SRGAP2C: variants seen among roughly 807,000 people sequenced by gnomAD.
The protein encoded by SRGAP2C is SLIT-ROBO Rho GTPase-activating protein 2C.
Under a neutral mutation model 25.1 loss-of-function variants are expected in SRGAP2C, and 15 were observed. The observed-to-expected ratio is 0.60, with a 90% CI of 0.40 to 0.92. The LOEUF is 0.92. Ranked by LOEUF, SRGAP2C falls within the 40% of genes least tolerant of loss-of-function variation. The pLI, the probability that SRGAP2C is intolerant of heterozygous loss-of-function variation, is 0.00. For missense variants in SRGAP2C, 144 were observed against 264.4 expected (o/e 0.54, Z 3.16); for synonymous variants, 44 against 96.6 (o/e 0.46, Z 3.19).
In SRGAP2C at chr1:121,326,718, A is replaced by G. The variant is rs1190368675; in HGVS notation, c.423+2078A>G. 2.3e-5 allele frequency among the ~76,000 whole-genome samples: 2 copies of G among 85,600 alleles called. 1 individual carries two copies. 56.2% of individuals were successfully genotyped at this position (85,600 alleles called of 152,430 possible). A position where few individuals can be genotyped will look rare whatever the true frequency, so the allele number is the denominator to read the frequency against. ...GTAACCAGCACCCAGATCAAGAAAC[A>G]GAACATTTCTGTACCCTAGAAACCC... On this transcript the variant is annotated intron_variant, in intron 4 of 9. Transcript: ENST00000367123.
chr1:121,225,959 C>T (rs1433164566), intron 2 of SRGAP2C, among the ~76,000 whole-genome samples: 1 of 149,688 alleles, frequency 6.7e-6, no homozygotes, highest in Admixed American at 6.7e-5. Context: ...ACTGCCTCGG[C>T]CTCCCAAAGT....
chr1:121,202,326 T>A (rs1366908338), intron 2 of SRGAP2C, among the ~76,000 whole-genome samples: 1 of 152,144 alleles, frequency 6.6e-6, no homozygotes, highest in East Asian at 1.9e-4. Flanking sequence ...TCCTGTCCCC[T>A]CCCCTCCTCA....
chr1:121,306,755 A>G (rs1314756953), intron 3 of SRGAP2C, among the ~76,000 whole-genome samples: 2 of 152,014 alleles, frequency 1.3e-5, no homozygotes, highest in African/African-American at 4.8e-5. Context: ...CGATTCTCAA[A>G]GGGATCTGGA....
chr1:121,267,983 A>T (rs1167703983), intron 2 of SRGAP2C, among the ~76,000 whole-genome samples: 1 of 150,920 alleles, frequency 6.6e-6, no homozygotes, highest in Non-Finnish European at 1.5e-5. Flanking sequence ...CACCCAAAAA[A>T]CAGCTCTTGA....
In SRGAP2C at chr1:121,328,912, AC is replaced by A. The variant is rs1570786432; in HGVS notation, c.423+4273del. On this transcript the variant is annotated intron_variant, in intron 4 of 9. Transcript: ENST00000367123. ...TTTAAAAAAAAAAAAAAAACAAAAA[AC>A]AAAAAACAAAACAGAGGGCTGGGAG... Among the ~76,000 whole-genome samples the A allele has an allele frequency of 1.5e-3, 214 of 142,210 alleles. 2 individuals carry two copies. Among genetic ancestry groups the A allele is most frequent in the East Asian group, 6.3e-3 (30 of 4,786 alleles). The allele number at this position is 142,210 out of a possible 152,430, so 93.3% of individuals were successfully genotyped here.
chr1:121,200,291 ATGT>A (rs1196585256), intron 2 of SRGAP2C, among the ~76,000 whole-genome samples: 58 of 103,346 alleles, frequency 5.6e-4, no homozygotes, highest in African/African-American at 2.1e-3. Flanking sequence ...ACAGATATTT[ATGT>A]TGTTGTGTGC....
intron 2 of SRGAP2C, among the ~76,000 whole-genome samples, chr1:121,212,316 G>T (rs1279072172): frequency 6.6e-6 from 1 of 150,404 alleles, no homozygotes; most frequent in East Asian, 2.0e-4. Context: ...TTTTTTAGTA[G>T]AGATGGGGTT....
intron 4 of SRGAP2C, among the ~76,000 whole-genome samples, chr1:121,351,593 G>C (rs1658908978): frequency 1.4e-5 from 2 of 138,896 alleles, no homozygotes; most frequent in South Asian, 2.4e-4. Flanking sequence ...CTGGGCGACA[G>C]AGCGAGACTC....
chr1:121,289,091 GC>G (rs1430746789), intron 3 of SRGAP2C, among the ~76,000 whole-genome samples: 36 of 143,018 alleles, frequency 2.5e-4, no homozygotes, highest in African/African-American at 8.9e-4. Flanking sequence ...TGCCAGTCCT[GC>G]GCTGTGCGCT....
intron 2 of SRGAP2C, among the ~76,000 whole-genome samples, chr1:121,225,753 C>A (rs1655650670): frequency 6.7e-6 from 1 of 149,166 alleles, no homozygotes; most frequent in East Asian, 2.0e-4. Context: ...TGCTCCGTCA[C>A]CCAGGCTGGA....
At chr1:121,306,150 C>A (rs1657831979) in intron 3 of SRGAP2C, among the ~76,000 whole-genome samples, 1 of 151,488 alleles carries the variant, frequency 6.6e-6, no homozygotes, top group African/African-American at 2.4e-5. Context: ...CACCAGCTTG[C>A]AAATAAAGTA....
At chr1:121,293,332 G>C (rs2101577523) in intron 3 of SRGAP2C, among the ~76,000 whole-genome samples, 1 of 135,500 alleles carries the variant, frequency 7.4e-6, no homozygotes, top group East Asian at 2.3e-4. Context: ...AGGCGACAGG[G>C]TTCGGGCTTT....
At chr1:121,216,251 T>C (rs1303966983) in intron 2 of SRGAP2C, among the ~76,000 whole-genome samples, 1 of 152,052 alleles carries the variant, frequency 6.6e-6, no homozygotes, top group Non-Finnish European at 1.5e-5. Context: ...GCTGCTCATG[T>C]CTGCAAAGAG....
At chr1:121,371,034 A>T (rs1257053721) in intron 5 of SRGAP2C, among the ~76,000 whole-genome samples, 2 of 152,032 alleles carry the variant, frequency 1.3e-5, no homozygotes, top group African/African-American at 4.8e-5. Context: ...ATGTGATTTC[A>T]GTGTTTAGTT....
At chr1:121,223,950 CAA>C (rs1250076532) in intron 2 of SRGAP2C, among the ~76,000 whole-genome samples, 1 of 144,760 alleles carries the variant, frequency 6.9e-6, no homozygotes, top group Non-Finnish European at 1.5e-5. Flanking sequence ...ATAAAAACCT[CAA>C]AGTTATTAAT....
rs1400407534 is a variant in SRGAP2C at position 121,213,707 on chromosome 1, G to A, written c.67+26194G>A. ...TAGCCAGATGGCCTGGGCGCTCACA[G>A]TAAGTTACGTTTACATAGTGGAGAG... is the stretch of plus-strand genomic sequence containing the variant. On this transcript the variant is annotated intron_variant, in intron 2 of 9. Coordinates refer to ENST00000367123, the MANE Select transcript of SRGAP2C (RefSeq NM_001329984.2). 2.7e-5 allele frequency among the ~76,000 whole-genome samples: 2 copies of A among 74,350 alleles called. 1 individual carries two copies. The allele number at this position is 74,350 out of a possible 152,430, so 48.8% of individuals were successfully genotyped here.
chr1:121,367,375 AT>A (rs1659354843), intron 5 of SRGAP2C, among the ~76,000 whole-genome samples: 1 of 150,558 alleles, frequency 6.6e-6, no homozygotes, highest in Non-Finnish European at 1.5e-5. Flanking sequence ...GCCTGAAGAC[AT>A]TTTTGATTGT....
At chr1:121,260,432 G>A in intron 2 of SRGAP2C, among the ~76,000 whole-genome samples, 1 of 151,968 alleles carries the variant, frequency 6.6e-6, no homozygotes. Flanking sequence ...GGAAGTACTA[G>A]GAGATGAGGT....
At chr1:121,267,298 G>C (rs1211818639) in intron 2 of SRGAP2C, among the ~76,000 whole-genome samples, 2 of 150,630 alleles carry the variant, frequency 1.3e-5, no homozygotes, top group African/African-American at 5.0e-5. Flanking sequence ...GGCTCAAGCG[G>C]TTCTCATGGC....
Sources: gnomAD v4.1 joint callset for allele counts (sites outside exome capture counted in the v4.1 genomes callset) on GRCh38, gnomAD v4.1.1 for gene constraint, MANE v1.5 for transcripts, NCBI Gene and HGNC (gene_info 2026-07-23, HGNC 2026-07-21) for gene names.